The following LRP2 variants were observed in gnomAD, a reference collection of about 807,000 sequenced individuals.
LRP2 encodes low-density lipoprotein receptor-related protein 2.
LRP2 carries 172 observed loss-of-function variants against 531.0 expected under a neutral mutation model. That is an observed-to-expected ratio of 0.32 (90% CI 0.29 to 0.37). LRP2 has a LOEUF of 0.37. Among genes scored for constraint, LRP2 ranks in the 10% least tolerant of loss-of-function variants. The probability of loss-of-function intolerance (pLI) is 1.00; values close to 1 mark genes in which losing one functional copy is unlikely to be tolerated. For synonymous variants in LRP2, 1,992 were observed against 2,027.6 expected (o/e 0.98, Z 0.47); for missense variants, 5,167 against 5,868.3 (o/e 0.88, Z 3.90).
chr2:169,128,996 A>C lies in LRP2; in HGVS notation c.13800+17T>G. 6.3e-7 allele frequency: 1 copy of C among 1,596,210 alleles called. No individual in the cohort carries two copies. The highest frequency in any genetic ancestry group is 8.6e-7 in the Non-Finnish European group (1 of 1,163,716). Reference sequence around the variant, plus strand: ...TAAGAAAAAATGTCTGTGCTAAGAAAAATTGTTAAAAATTACCTGTGCATA... The same window carrying C: ...TAAGAAAAAATGTCTGTGCTAAGAACAATTGTTAAAAATTACCTGTGCATA... On this transcript the variant is annotated intron_variant, in intron 78 of 78. Transcript: ENST00000649046.
chr2:169,141,253 C>T (rs567063246), intron 71 of LRP2, among the ~76,000 whole-genome samples: 1 of 152,348 alleles, frequency 6.6e-6, no homozygotes, highest in South Asian at 2.1e-4. Flanking sequence ...TCAATGTTCA[C>T]TGTATCAGAC....
At chr2:169,326,824 C>T (rs1022745914) in intron 1 of LRP2, among the ~76,000 whole-genome samples, 3 of 149,718 alleles carry the variant, frequency 2.0e-5, no homozygotes, top group Non-Finnish European at 3.0e-5. Context: ...CGTCTCTGCC[C>T]GGCCGCCCAT....
At chr2:169,323,362 T>C (rs1315468017) in intron 1 of LRP2, among the ~76,000 whole-genome samples, 1 of 152,196 alleles carries the variant, frequency 6.6e-6, no homozygotes, top group African/African-American at 2.4e-5. Flanking sequence ...CTGGGTGACC[T>C]CTCAGCCATC....
In LRP2 at chr2:169,242,938, T is replaced by C. The variant is rs1689861762; in HGVS notation, c.3667+18A>G. 6.4e-7 allele frequency: 1 copy of C among 1,559,910 alleles called. No individual in the cohort carries two copies. The highest frequency in any genetic ancestry group is 1.4e-5 in the African/African-American group (1 of 73,588). ...AATGACCCCTTTGTCTGAAACATTC[T>C]GGGTATGTGTTACTTACGACAGCCT... is the stretch of plus-strand genomic sequence containing the variant. On this transcript the variant is annotated intron_variant, in intron 24 of 78. Transcript: ENST00000649046.
chr2:169,360,339 G>C (rs1248649061), intron 1 of LRP2, among the ~76,000 whole-genome samples: 2 of 152,084 alleles, frequency 1.3e-5, no homozygotes, highest in African/African-American at 4.8e-5. Flanking sequence ...ATATTATGAA[G>C]ATTAATTGAG....
rs750246053 is a variant in LRP2, at chr2:169,173,141, T to C, written c.11098A>G (p.Asn3700Asp). ...YRCIPKWAVC[N>D]GVDDCRDNSD... Reference sequence around the variant, plus strand: ...TTGTCCCTGCAGTCATCTACACCATTGCACACGGCCCACTTTGGGATGCAG... The same window carrying C: ...TTGTCCCTGCAGTCATCTACACCATCGCACACGGCCCACTTTGGGATGCAG... Residue 3700 changes from asparagine (N) to aspartate (D), a missense_variant, in exon 57 of 79, where the codon AAT becomes GAT. By Grantham distance (23) the Asn-to-Asp change is conservative. Around this residue, in one of 6 missense-constraint regions of LRP2, gnomAD observed 311 missense variants for 309.4 expected, o/e 1.01. Transcript: ENST00000649046. 5 of 1,614,062 alleles carry C rather than the reference T, an allele frequency of 3.1e-6. No individual in the cohort carries two copies. The highest frequency in any genetic ancestry group is 3.4e-6 in the Non-Finnish European group (4 of 1,180,046).
At position 169,284,455 on chromosome 2, in the gene LRP2, C is replaced by T. The variant is rs111579619; in HGVS notation, c.1043-1454G>A. Among the ~76,000 whole-genome samples the T allele has an allele frequency of 1.2e-4, 18 of 151,574 alleles. No individual in the cohort carries two copies. The East Asian group carries it at 1.9e-3, about 16-fold the overall frequency. On this transcript the variant is annotated intron_variant, in intron 9 of 78. Coordinates refer to ENST00000649046, the MANE Select transcript of LRP2 (RefSeq NM_004525.3). ...AATATTTTTGTATTTTTAGTAGAGA[C>T]GGCATTTCCCCATGTTGGCCAGGCT...
At chr2:169,233,382 C>T (rs1429612478) in intron 30 of LRP2, 29 bp downstream of exon 30, 1 of 1,613,624 alleles carries the variant, frequency 6.2e-7, no homozygotes, top group Admixed American at 1.7e-5. Flanking sequence ...AAGCTACTCC[C>T]AGGCAGGATG....
At chr2:169,338,681 A>G (rs1685486975) in intron 1 of LRP2, among the ~76,000 whole-genome samples, 1 of 152,202 alleles carries the variant, frequency 6.6e-6, no homozygotes, top group Non-Finnish European at 1.5e-5. Context: ...AGCATGTCTA[A>G]AAGTCAACAG....
At position 169,177,907 on chromosome 2, in the gene LRP2, A is replaced by G; in HGVS notation, c.10289T>C (p.Val3430Ala). ...IYWTDWNTRT[V>A]EKGNKYDGSN... ...TCCATCATATTTGTTTCCCTTTTCC[A>G]CTGTCCTTGTATTCCAATCTGTCCA... is the stretch of plus-strand genomic sequence containing the variant. The change falls in exon 53 of 79, where the codon GTG becomes GCG. Residue 3430 changes from valine (V) to alanine (A), a missense_variant. Val to Ala is a moderately conservative substitution (Grantham distance 64). Around this residue, in one of 6 missense-constraint regions of LRP2, gnomAD observed 1,129 missense variants for 1,362.7 expected, o/e 0.83. Transcript: ENST00000649046. 1 of 1,614,182 alleles carries G rather than the reference A, an allele frequency of 6.2e-7. No homozygotes were observed. The highest frequency in any genetic ancestry group is 1.3e-5 in the African/African-American group (1 of 75,032).
chr2:169,180,662 G>T (rs577760065), intron 52 of LRP2, among the ~76,000 whole-genome samples: 1 of 152,250 alleles, frequency 6.6e-6, no homozygotes, highest in Non-Finnish European at 1.5e-5. Context: ...CAGAAGAAAG[G>T]AATTTCTAAA....
rs762733138 is a variant in LRP2, at chr2:169,174,046, G to A, written c.10887C>T (p.His3629=). ...CCGGCCGGCAGGTCCTGCTGGCACA[G>A]TGGGAACTGTCTTCATCTGAGTTAT... ...CEDNSDEDSS[H]CASRTCRPGQ... The change falls in exon 56 of 79, where the codon CAC becomes CAT. Residue 3629 remains histidine, a synonymous_variant. Coordinates refer to ENST00000649046, the MANE Select transcript of LRP2 (RefSeq NM_004525.3). The A allele has an allele frequency of 6.2e-7, 1 of 1,614,250 alleles. No homozygotes were observed. The highest frequency in any genetic ancestry group is 8.5e-7 in the Non-Finnish European group (1 of 1,180,048).
At chr2:169,168,739 C>A (rs1686882761) in intron 60 of LRP2, 63 bp from the exon 61 acceptor site, 1 of 1,568,454 alleles carries the variant, frequency 6.4e-7, no homozygotes, top group Non-Finnish European at 8.8e-7. Context: ...GGGGAAGCTT[C>A]CTGCTATTTC....
chr2:169,173,919 T>A lies in LRP2; in HGVS notation c.11014A>T (p.Met3672Leu), dbSNP rs1353449344. ...DHSDEPIEEC[M>L]SSAHLCDNFT... ...CCTTGGTCCTCCCACAGGAACTTAC[T>A]GCATTCTTCAATGGGCTCATCCGAG... The change falls in exon 56 of 79, where the codon ATG (methionine) becomes TTG (leucine). Residue 3672 changes from methionine (M) to leucine (L), a missense_variant and splice_region_variant. This residue lies in a region of LRP2 where 311 missense variants were observed against 309.4 expected (regional missense o/e 1.01). Coordinates refer to ENST00000649046, the MANE Select transcript of LRP2 (RefSeq NM_004525.3). 1.2e-6 allele frequency: 2 copies of A among 1,614,060 alleles called. No homozygotes were observed. Among genetic ancestry groups the A allele is most frequent in the Non-Finnish European group, 1.7e-6 (2 of 1,180,034 alleles).
chr2:169,306,482 C>T (rs189486443), intron 4 of LRP2, among the ~76,000 whole-genome samples: 114 of 152,132 alleles, frequency 7.5e-4, no homozygotes, highest in Non-Finnish European at 1.3e-3. Flanking sequence ...TGCGGTGAGC[C>T]GAGAGCATGC....
At chr2:169,219,240 G>C (rs1202610877) in intron 34 of LRP2, among the ~76,000 whole-genome samples, 2 of 152,228 alleles carry the variant, frequency 1.3e-5, no homozygotes, top group African/African-American at 4.8e-5. Context: ...ATTTGAAACA[G>C]AGCGCTAATA....
Position 169,175,296 on chromosome 2 carries a change from C to T in LRP2, c.10665G>A (p.Leu3555=). 6.2e-7 allele frequency: 1 copy of T among 1,614,180 alleles called. No homozygotes were observed. Among genetic ancestry groups the T allele is most frequent in the Non-Finnish European group, 8.5e-7 (1 of 1,180,030 alleles). The part of the protein sequence containing the change: ...LALCPQRFCR[L]GQFQCSDGNC... ...TGCCGTCACTGCACTGGAACTGTCCCAGTCGGCAGAAGCGCTGCGGGCAAA... is the reference window on the plus strand; with the variant it reads ...TGCCGTCACTGCACTGGAACTGTCCTAGTCGGCAGAAGCGCTGCGGGCAAA... The change falls in exon 55 of 79, where the codon CTG becomes CTA. Residue 3555 remains leucine (L), a synonymous_variant. Transcript: ENST00000649046.
Position 169,235,333 on chromosome 2 carries a change from G to T in LRP2, c.4920+507C>A, listed in dbSNP as rs148175287. Among the ~76,000 whole-genome samples the T allele has an allele frequency of 5.1e-4, 77 of 151,728 alleles. 1 individual carries two copies. In the East Asian group the frequency reaches 0.013, roughly 25 times the overall value. On this transcript the variant is annotated intron_variant, in intron 29 of 78. Coordinates refer to ENST00000649046, the MANE Select transcript of LRP2 (RefSeq NM_004525.3). ...CAGCTCACTGCAACCTCTGCTTCCC[G>T]GGTTCAAGCAATTTTCCTGTCTCAG...
chr2:169,152,831 C>A lies in LRP2; in HGVS notation c.12429G>T (p.Gln4143His). 1 of 1,614,068 alleles carries A rather than the reference C, an allele frequency of 6.2e-7. No homozygotes were observed. Among genetic ancestry groups the A allele is most frequent in the Non-Finnish European group, 8.5e-7 (1 of 1,179,940 alleles). Residue 4143 changes from glutamine (Q) to histidine (H), a missense_variant, in exon 67 of 79, where the codon CAG (glutamine) becomes CAT (histidine). Physicochemically the swap from Gln to His is conservative, Grantham distance 24 (BLOSUM62 0). Around this residue, in one of 6 missense-constraint regions of LRP2, gnomAD observed 564 missense variants for 747.7 expected, o/e 0.75. Transcript: ENST00000649046. ...CCCAGTCCACTGCTATTCCATCTGG[C>A]TGCATTACGTATTTCAGTTTCAGGT... ...EVDLKLKYVM[Q>H]PDGIAVDWVG...
Sources: allele counts gnomAD v4.1 joint callset (sites outside exome capture counted in the v4.1 genomes callset), GRCh38; gene constraint gnomAD v4.1.1; regional missense constraint gnomAD v4.1.1; transcripts MANE v1.5; gene names NCBI Gene and HGNC (gene_info 2026-07-23, HGNC 2026-07-21).